The following ALPK2 variants were observed in gnomAD, a reference collection of about 807,000 sequenced individuals.
The protein encoded by ALPK2 is alpha-protein kinase 2.
Under a neutral mutation model 163.1 loss-of-function variants are expected in ALPK2, and 127 were observed. That is an observed-to-expected ratio of 0.78 (90% CI 0.67 to 0.90). ALPK2 has a LOEUF of 0.90. Among genes scored for constraint, ALPK2 ranks in the 40% least tolerant of loss-of-function variants. The pLI is 0.00. For synonymous variants in ALPK2, 953 were observed against 959.1 expected (o/e 0.99, Z 0.12); for missense variants, 2,360 against 2,589.6 (o/e 0.91, Z 1.92).
intron 4 of ALPK2, among the ~76,000 whole-genome samples, chr18:58,550,980 C>G (rs1236558581): frequency 6.6e-6 from 1 of 152,022 alleles, no homozygotes; most frequent in Admixed American, 6.5e-5. Flanking sequence ...CCATCCCTAC[C>G]TCTATCATAT....
At position 58,504,128 on chromosome 18, in the gene ALPK2, A is replaced by T; in HGVS notation, c.6050T>A (p.Ile2017Asn). The T allele has an allele frequency of 6.2e-7, 1 of 1,614,104 alleles. No homozygotes were observed. Among genetic ancestry groups the T allele is most frequent in the East Asian group, 2.2e-5 (1 of 44,888 alleles). The change falls in exon 11 of 13, where the codon ATC becomes AAC. Residue 2017 changes from isoleucine (I) to asparagine (N), a missense_variant. Transcript: ENST00000361673. ...CGGGATATTGTTCTCAGGCCGATGGATAAGAAAAATAGGAATGATCCTGGC... is the reference window on the plus strand; with the variant it reads ...CGGGATATTGTTCTCAGGCCGATGGTTAAGAAAAATAGGAATGATCCTGGC... The part of the protein sequence containing the change: ...EVPEIIPIFL[I>N]HRPENNIPYA...
chr18:58,589,920 A>G (rs1372684111), intron 3 of ALPK2, among the ~76,000 whole-genome samples: 1 of 152,200 alleles, frequency 6.6e-6, no homozygotes, highest in Non-Finnish European at 1.5e-5. Flanking sequence ...GGCTAGAGGT[A>G]AGATTTGGAA....
intron 1 of ALPK2, among the ~76,000 whole-genome samples, chr18:58,623,022 C>T (rs1227009372): frequency 6.6e-6 from 1 of 151,752 alleles, no homozygotes; most frequent in African/African-American, 2.4e-5. Context: ...GTTAACTGAG[C>T]CCGAGTGTAG....
At chr18:58,584,891 G>A (rs2051977766) in intron 3 of ALPK2, among the ~76,000 whole-genome samples, 1 of 152,190 alleles carries the variant, frequency 6.6e-6, no homozygotes. Flanking sequence ...CTGGCAGAGA[G>A]ACCTGTGTGC....
Position 58,521,627 on chromosome 18 carries a change from C to CTCTT in ALPK2, c.5665+2178_5665+2179insAAGA, listed in dbSNP as rs59358600. On this transcript the variant is annotated intron_variant, in intron 8 of 12. Transcript: ENST00000361673. ...TTTCTTTTTCTTTCTTTCTCTCTCT[C>CTCTT]TTTTTTTTTTTTTTTTTTTGAGATG... Among the ~76,000 whole-genome samples, 150 of 55,370 alleles carry CTCTT rather than the reference C, an allele frequency of 2.7e-3. 3 individuals are homozygous for CTCTT. Among genetic ancestry groups the CTCTT allele is most frequent in the East Asian group, 8.8e-3 (19 of 2,166 alleles). 36.3% of individuals were successfully genotyped at this position (55,370 alleles called of 152,430 possible).
intron 1 of ALPK2, among the ~76,000 whole-genome samples, chr18:58,615,772 G>T (rs896720108): frequency 4.6e-5 from 7 of 152,218 alleles, no homozygotes; most frequent in African/African-American, 1.7e-4. Context: ...AAGGAGGAAA[G>T]GATAAATCCA....
intron 10 of ALPK2, among the ~76,000 whole-genome samples, chr18:58,507,205 A>G (rs1233244590): frequency 6.6e-6 from 1 of 152,216 alleles, no homozygotes; most frequent in Non-Finnish European, 1.5e-5. Flanking sequence ...TGTTTAATGG[A>G]TCAGAAGATC....
rs751436346 is a variant in ALPK2, at chr18:58,579,548, C to A, written c.1228G>T (p.Val410Phe). The A allele has an allele frequency of 1.9e-6, 3 of 1,613,664 alleles. No individual in the cohort carries two copies. The highest frequency in any genetic ancestry group is 2.2e-5 in the South Asian group (2 of 91,072). ...GAGACTCTGCTGCTCCTCACCCCAA[C>A]TTCTTGGGGTTGTGAGTGATGACCA... ...FCGHHSQPQE[V>F]GVRSSRVSKH... The change falls in exon 4 of 13, where the codon GTT becomes TTT. Residue 410 changes from valine to phenylalanine, a missense_variant. Physicochemically the swap from Val to Phe is conservative, Grantham distance 50. Coordinates refer to ENST00000361673, the MANE Select transcript of ALPK2 (RefSeq NM_052947.4).
chr18:58,561,425 G>A (rs1024700943), intron 4 of ALPK2, among the ~76,000 whole-genome samples: 2 of 152,170 alleles, frequency 1.3e-5, no homozygotes, highest in South Asian at 4.1e-4. Context: ...TGGAGGACAG[G>A]AAAACAAACC....
intron 12 of ALPK2, among the ~76,000 whole-genome samples, chr18:58,484,011 T>C (rs535608776): frequency 2.2e-4 from 34 of 152,286 alleles, no homozygotes; most frequent in Non-Finnish European, 4.3e-4. Flanking sequence ...ATGGTTAATT[T>C]CTGTCTCTCC....
intron 4 of ALPK2, among the ~76,000 whole-genome samples, chr18:58,545,425 C>T (rs182577016): frequency 1.2e-4 from 19 of 152,302 alleles, no homozygotes; most frequent in South Asian, 8.3e-4. Context: ...GACAGTGTCC[C>T]GTAGAGCAAG....
intron 3 of ALPK2, among the ~76,000 whole-genome samples, chr18:58,587,026 C>A (rs2051990533): frequency 2.0e-5 from 3 of 152,148 alleles, no homozygotes; most frequent in Admixed American, 1.3e-4. Context: ...CTCTAACTGA[C>A]CTTAAGGCTC....
chr18:58,580,108 A>G lies in ALPK2; in HGVS notation c.668T>C (p.Ile223Thr), dbSNP rs745747898. 1.9e-6 allele frequency: 3 copies of G among 1,614,274 alleles called. No homozygotes were observed. Among genetic ancestry groups the G allele is most frequent in the South Asian group, 2.2e-5 (2 of 91,086 alleles). The change falls in exon 4 of 13, where the codon ATT becomes ACT. Residue 223 changes from isoleucine to threonine, a missense_variant. By Grantham distance (89) the Ile-to-Thr change is moderately conservative (BLOSUM62 -1). Transcript: ENST00000361673. ...NGLLFLNSSH[I>T]YEKQDRCCHK... ...GCAACATCTGTCTTGTTTTTCATAA[A>G]TATGACTTGAATTAAGAAAAAGCAA... is the stretch of plus-strand genomic sequence containing the variant.
chr18:58,598,930 G>A (rs1403800664), intron 3 of ALPK2, among the ~76,000 whole-genome samples: 2 of 152,124 alleles, frequency 1.3e-5, no homozygotes, highest in South Asian at 2.1e-4. Context: ...GTTTCAGAAC[G>A]TGACAGTGAC....
chr18:58,562,065 T>C (rs75891366), intron 4 of ALPK2, among the ~76,000 whole-genome samples: 1,955 of 152,298 alleles, frequency 0.013, 36 homozygotes, highest in African/African-American at 0.044. Context: ...CTGATTTTCT[T>C]ATGGAGCTTG....
chr18:58,511,440 C>T (rs2051489895), intron 10 of ALPK2, among the ~76,000 whole-genome samples: 1 of 152,170 alleles, frequency 6.6e-6, no homozygotes, highest in South Asian at 2.1e-4. Context: ...ATGCACACAC[C>T]AGCTGGGGCA....
chr18:58,554,996 G>T (rs146559848), intron 4 of ALPK2, among the ~76,000 whole-genome samples: 1 of 152,134 alleles, frequency 6.6e-6, no homozygotes, highest in Admixed American at 6.5e-5. Flanking sequence ...CTCCTCCTTC[G>T]CCTTCTGCCA....
chr18:58,522,260 G>A (rs28489498), intron 8 of ALPK2, among the ~76,000 whole-genome samples: 2,248 of 152,300 alleles, frequency 0.015, 52 homozygotes, highest in African/African-American at 0.051. Flanking sequence ...CATGATGTGT[G>A]ATGTCACACT....
intron 12 of ALPK2, among the ~76,000 whole-genome samples, chr18:58,483,244 C>G (rs1313424517): frequency 1.3e-5 from 2 of 152,216 alleles, no homozygotes; most frequent in Non-Finnish European, 2.9e-5. Context: ...GTCCACGTTA[C>G]ATTCACTCAG....
Sources: gnomAD v4.1 joint callset for allele counts (sites outside exome capture counted in the v4.1 genomes callset) on GRCh38, gnomAD v4.1.1 for gene constraint, MANE v1.5 for transcripts, NCBI Gene and HGNC (gene_info 2026-07-23, HGNC 2026-07-21) for gene names.